TBCEL: variants seen among roughly 807,000 people sequenced by gnomAD.
TBCEL encodes the protein tubulin folding cofactor E like.
A neutral mutation model predicts 44.2 loss-of-function variants in TBCEL; 15 were observed. That is an observed-to-expected ratio of 0.34 (90% confidence interval 0.23 to 0.52). The LOEUF (loss-of-function observed/expected upper bound fraction) is 0.52. TBCEL is among the 20% of genes least tolerant of loss of function. TBCEL has a pLI of 0.95. For synonymous variants in TBCEL, 171 were observed against 185.4 expected, an observed-to-expected ratio of 0.92 and a Z score of 0.63; for missense variants, 319 against 506.3, an observed-to-expected ratio of 0.63 and a Z score of 3.55.
At chr11:121,042,757 A>C (rs1351072464) in intron 2 of TBCEL, among the ~76,000 whole-genome samples, 1 of 152,122 alleles carries the variant, frequency 6.6e-6, no homozygotes, top group Admixed American at 6.6e-5. Context: ...CCTGGTAGTA[A>C]TCTAGGAAAT....
chr11:121,025,621 T>G (rs1028078025), intron 1 of TBCEL, among the ~76,000 whole-genome samples: 5 of 152,196 alleles, frequency 3.3e-5, no homozygotes, highest in African/African-American at 1.2e-4. Flanking sequence ...ACTTGCAGTT[T>G]GAAAAACACT....
At chr11:121,051,945 T>A (rs990658088) in intron 4 of TBCEL, among the ~76,000 whole-genome samples, 2 of 151,774 alleles carry the variant, frequency 1.3e-5, no homozygotes, top group African/African-American at 4.8e-5. Flanking sequence ...TACTTTTTCT[T>A]TCTACCCATG....
intron 4 of TBCEL, 89 bp downstream of exon 4, chr11:121,047,756 G>A (rs1193061192): frequency 1.4e-6 from 2 of 1,478,734 alleles, no homozygotes; most frequent in Admixed American, 2.0e-5. Flanking sequence ...GCTAAATTCT[G>A]TTCTCACTTG....
chr11:121,028,652 G>C (rs1237278840), intron 1 of TBCEL, among the ~76,000 whole-genome samples: 1 of 152,130 alleles, frequency 6.6e-6, no homozygotes, highest in Non-Finnish European at 1.5e-5. Flanking sequence ...ACTTACAATA[G>C]ATTTTATCTG....
At chr11:121,042,227 A>C (rs538666914) in intron 2 of TBCEL, among the ~76,000 whole-genome samples, 1 of 152,274 alleles carries the variant, frequency 6.6e-6, no homozygotes, top group South Asian at 2.1e-4. Flanking sequence ...TGAACTGCTG[A>C]TTGTATGAAA....
At chr11:121,041,272 G>A (rs767668656) in intron 2 of TBCEL, among the ~76,000 whole-genome samples, 1 of 152,152 alleles carries the variant, frequency 6.6e-6, no homozygotes, top group Non-Finnish European at 1.5e-5. Context: ...CTTAACCTCA[G>A]TAGTGGTTAA....
At chr11:121,025,021 T>C (rs1945021327) in intron 1 of TBCEL, among the ~76,000 whole-genome samples, 1 of 152,106 alleles carries the variant, frequency 6.6e-6, no homozygotes, top group African/African-American at 2.4e-5. Context: ...ATTCTGGGAA[T>C]TGGTGAAGAG....
At chr11:121,071,086 T>A (rs1945922191) in intron 8 of TBCEL, among the ~76,000 whole-genome samples, 2 of 152,294 alleles carry the variant, frequency 1.3e-5, no homozygotes, top group Admixed American at 1.3e-4. Context: ...GAAACCTCCA[T>A]GTTTGTGGGT....
chr11:121,043,166 G>A (rs1945364981), intron 2 of TBCEL, among the ~76,000 whole-genome samples: 1 of 152,044 alleles, frequency 6.6e-6, no homozygotes, highest in African/African-American at 2.4e-5. Context: ...GAACTGGGTG[G>A]GCGTAAACCT....
chr11:121,076,828 T>G (rs979464861), intron 8 of TBCEL, among the ~76,000 whole-genome samples: 2 of 152,036 alleles, frequency 1.3e-5, no homozygotes, highest in African/African-American at 4.8e-5. Flanking sequence ...TTAAGGACAT[T>G]TCCTTCTATT....
intron 1 of TBCEL, chr11:121,036,200 G>T (rs1186114783): frequency 6.6e-6 from 1 of 152,136 alleles, no homozygotes; most frequent in African/African-American, 2.4e-5. Flanking sequence ...CTCAGTGTGG[G>T]GACATTTGGT....
At chr11:121,066,469 A>C (rs1214657870) in intron 8 of TBCEL, among the ~76,000 whole-genome samples, 5 of 152,230 alleles carry the variant, frequency 3.3e-5, no homozygotes, top group African/African-American at 1.2e-4. Flanking sequence ...TCAGAAGGGC[A>C]TTCAGATGCT....
chr11:121,068,114 A>T (rs1945854585), intron 8 of TBCEL, among the ~76,000 whole-genome samples: 2 of 152,160 alleles, frequency 1.3e-5, no homozygotes, highest in Admixed American at 1.3e-4. Flanking sequence ...CCAGATGTAT[A>T]CATGCAGCTG....
intron 8 of TBCEL, among the ~76,000 whole-genome samples, chr11:121,068,881 C>T (rs1250537206): frequency 2.7e-5 from 4 of 147,378 alleles, no homozygotes; most frequent in Non-Finnish European, 6.0e-5. Context: ...AGCAAGGCTC[C>T]GTCTCAAAAA....
intron 1 of TBCEL, among the ~76,000 whole-genome samples, chr11:121,034,660 G>A (rs993360949): frequency 5.9e-5 from 9 of 152,054 alleles, no homozygotes; most frequent in Admixed American, 1.3e-4. Context: ...TTAGGATATG[G>A]TTATTACTCT....
Position 121,053,659 on chromosome 11 carries a change from G to T in TBCEL, c.382G>T (p.Val128Phe). 3.1e-6 allele frequency: 5 copies of T among 1,612,322 alleles called. No individual in the cohort carries two copies. Among genetic ancestry groups the T allele is most frequent in the Non-Finnish European group, 3.4e-6 (4 of 1,178,972 alleles). Residue 128 changes from valine (V) to phenylalanine (F), a missense_variant, in exon 5 of 9, where the codon GTT (valine) becomes TTT (phenylalanine). Transcript: ENST00000683345. ...ERTCAGSFSG[V>F]RKLVLNNSKA... The stretch of plus-strand genomic sequence containing the variant: ...AACATGTGCTGGGTCCTTCTCTGGG[G>T]TTCGCAAACTTGTCCTCAACAACAG...
At chr11:121,052,989 G>A (rs988977412) in intron 4 of TBCEL, among the ~76,000 whole-genome samples, 2 of 151,126 alleles carry the variant, frequency 1.3e-5, no homozygotes, top group Admixed American at 6.6e-5. Flanking sequence ...ATATAGTTAC[G>A]GATTTTTTTT....
At chr11:121,065,660 T>C (rs868089164) in intron 8 of TBCEL, among the ~76,000 whole-genome samples, 1 of 152,228 alleles carries the variant, frequency 6.6e-6, no homozygotes, top group Non-Finnish European at 1.5e-5. Context: ...TATGGGGATT[T>C]GACCTTAACA....
In TBCEL at chr11:121,034,522, A is replaced by G. The variant is rs564418178; in HGVS notation, c.-125-1983A>G. 7.9e-5 allele frequency among the ~76,000 whole-genome samples: 12 copies of G among 152,258 alleles called. No individual in the cohort carries two copies. In the South Asian group the frequency reaches 8.3e-4, roughly 11 times the overall value. ...GATTTCAGAGTTTATTAGTCAATCT[A>G]TTTTTCATATTACAGAAAATATATT... On this transcript the variant is annotated intron_variant, in intron 1 of 8. Coordinates refer to ENST00000683345, the MANE Select transcript of TBCEL (RefSeq NM_001363644.2).
Sources: gnomAD v4.1 joint callset for allele counts (sites outside exome capture counted in the v4.1 genomes callset) on GRCh38, gnomAD v4.1.1 for gene constraint, MANE v1.5 for transcripts, NCBI Gene and HGNC (gene_info 2026-07-23, HGNC 2026-07-21) for gene names.